The following FAM110A variants were observed in gnomAD, a reference collection of about 807,000 sequenced individuals.
FAM110A encodes protein FAM110A.
Under a neutral mutation model 4.0 loss-of-function variants are expected in FAM110A, and 1 was observed. The observed-to-expected ratio is 0.25, with a 90% CI of 0.09 to 1.20. The LOEUF (loss-of-function observed/expected upper bound fraction) is 1.20. FAM110A is among the 50% of genes most tolerant of loss of function. The probability of loss-of-function intolerance (pLI) is 0.50; values close to 1 mark genes in which losing one functional copy is unlikely to be tolerated. For missense variants in FAM110A, 436 were observed against 429.2 expected, an observed-to-expected ratio of 1.02 and a Z score of -0.14; for synonymous variants, 217 against 196.8, an observed-to-expected ratio of 1.10 and a Z score of -0.86.
In FAM110A at chr20:840,478, G is replaced by T. The variant is rs1979826497; in HGVS notation, c.-97-4230G>T. ...GAAGAGGTGACAGTCACCTCCCTCT[G>T]GGAATTCCTTCCTGCAGGGCTGCAG... On this transcript the variant is annotated intron_variant, in intron 1 of 1. Transcript: ENST00000381941. The surrounding 1 kb of genome is among the most constrained non-coding windows in gnomAD (Gnocchi z 4.4). Among the ~76,000 whole-genome samples the T allele has an allele frequency of 6.6e-6, 1 of 152,214 alleles. No individual in the cohort carries two copies. The highest frequency in any genetic ancestry group is 2.4e-5 in the African/African-American group (1 of 41,456).
At chr20:838,101 G>A (rs542665437) in intron 1 of FAM110A, among the ~76,000 whole-genome samples, 141 of 152,260 alleles carry the variant, frequency 9.3e-4, no homozygotes, top group Admixed American at 1.6e-3. Flanking sequence ...GAGGTGGCAG[G>A]ATTGCTTCAG....
At chr20:837,074 CA>C (rs34528041) in intron 1 of FAM110A, among the ~76,000 whole-genome samples, 6,884 of 109,012 alleles carry the variant, frequency 0.063, 226 homozygotes, top group Middle Eastern at 0.13. Flanking sequence ...TTTTTTGAGA[CA>C]AGAGTTTCGC....
At position 845,677 on chromosome 20, in the gene FAM110A, A is replaced by G. The variant is rs1600020998; in HGVS notation, c.873A>G (p.Pro291=). The change falls in exon 2 of 2, where the codon CCA becomes CCG. Residue 291 remains proline, a synonymous_variant. Transcript: ENST00000381941. ...LYGLRQARES[P]AAEG ...GGCTAAGGCAGGCTCGGGAGAGCCC[A>G]GCAGCTGAAGGCTAGGCGCCACTGG... 1 of 1,614,030 alleles carries G rather than the reference A, an allele frequency of 6.2e-7. No individual in the cohort carries two copies. Among genetic ancestry groups the G allele is most frequent in the Non-Finnish European group, 8.5e-7 (1 of 1,180,022 alleles).
rs1320556881 is a variant in FAM110A, at chr20:834,122, G to C, written c.-98+171G>C. ...CCGGCGAGCTCTGGCGGAGAATCCA[G>C]TTCAAGTCTTTCTGCCCCACCTCGC... On this transcript the variant is annotated intron_variant, in intron 1 of 1. Coordinates refer to ENST00000381941, the MANE Select transcript of FAM110A (RefSeq NM_001042353.3). The surrounding 1 kb of genome is among the most constrained non-coding windows in gnomAD (Gnocchi z 5.6). Among the ~76,000 whole-genome samples the C allele has an allele frequency of 1.3e-5, 2 of 152,230 alleles. No individual in the cohort carries two copies. The highest frequency in any genetic ancestry group is 2.4e-5 in the African/African-American group (1 of 41,460).
chr20:844,617 A>T, intron 1 of FAM110A, 91 bp from the exon 2 acceptor site: 3 of 871,904 alleles, frequency 3.4e-6, no homozygotes, highest in Non-Finnish European at 4.7e-6. Flanking sequence ...ACCTTATAAT[A>T]GGGAGGGCGT....
intron 1 of FAM110A, among the ~76,000 whole-genome samples, chr20:841,123 C>T (rs1180516063): frequency 6.6e-6 from 1 of 152,208 alleles, no homozygotes; most frequent in African/African-American, 2.4e-5. Flanking sequence ...GACCCAGTTC[C>T]TGAGCCAGGC....
chr20:840,529 C>G lies in FAM110A; in HGVS notation c.-97-4179C>G, dbSNP rs1979829533. On this transcript the variant is annotated intron_variant, in intron 1 of 1. Transcript: ENST00000381941. This position sits in a 1 kb window ranked among gnomAD's most constrained non-coding sequence, Gnocchi z 4.4. ...TCTCATGGGATTAAATGAGGGGGCT[C>G]TGGGGATTTAAATGAGTATGGTGCC... 6.6e-6 allele frequency among the ~76,000 whole-genome samples: 1 copy of G among 152,198 alleles called. No individual in the cohort carries two copies. The highest frequency in any genetic ancestry group is 2.4e-5 in the African/African-American group (1 of 41,438).
At chr20:835,489 C>A (rs979081507) in intron 1 of FAM110A, among the ~76,000 whole-genome samples, 3 of 152,034 alleles carry the variant, frequency 2.0e-5, no homozygotes, top group Admixed American at 2.0e-4. Flanking sequence ...GTGCCAGGCC[C>A]TTCCCCAAGA....
Position 835,383 on chromosome 20 carries a change from G to A in FAM110A, c.-98+1432G>A, listed in dbSNP as rs192145496. ...TTCAGTCTCTGGGCTGAGCTAAGAA[G>A]TCATGATGGTGCACTCAGGCCTGGG... On this transcript the variant is annotated intron_variant, in intron 1 of 1. Coordinates refer to ENST00000381941, the MANE Select transcript of FAM110A (RefSeq NM_001042353.3). 2.1e-3 allele frequency among the ~76,000 whole-genome samples: 325 copies of A among 152,192 alleles called. 1 individual carries two copies. The highest frequency in any genetic ancestry group is 2.6e-3 in the Non-Finnish European group (178 of 68,018).
At chr20:841,705 T>C (rs1600010921) in intron 1 of FAM110A, among the ~76,000 whole-genome samples, 1 of 151,612 alleles carries the variant, frequency 6.6e-6, no homozygotes, top group African/African-American at 2.4e-5. Context: ...GGGCCGGCGG[T>C]TGGGGGCATC....
Position 845,909 on chromosome 20 carries a change from C to T in FAM110A, c.*217C>T, listed in dbSNP as rs898788280. The T allele has an allele frequency of 2.2e-5, 20 of 919,508 alleles. No individual in the cohort carries two copies. In the African/African-American group the frequency reaches 3.2e-4, roughly 15 times the overall value. The allele number at this position is 919,508 out of a possible 1,614,324, so 57.0% of individuals were successfully genotyped here. On this transcript the variant is annotated 3_prime_UTR_variant, in exon 2 of 2. Transcript: ENST00000381941. ...TTGGCTTTGGACACCTGAGAACCCC[C>T]TCCTCCCCTCCCCCAATACAAGGTT...
At chr20:841,329 C>G (rs1979889215) in intron 1 of FAM110A, 1 of 152,468 alleles carries the variant, frequency 6.6e-6, no homozygotes, top group Admixed American at 6.5e-5. Context: ...ACGTGCGGAC[C>G]GCGGCGGGGG....
chr20:836,146 A>G (rs1037252201), intron 1 of FAM110A: 1 of 149,994 alleles, frequency 6.7e-6, no homozygotes, highest in Admixed American at 6.7e-5. Flanking sequence ...TCCATCTTGC[A>G]GAGGGGAAAC....
Position 845,514 on chromosome 20 carries a change from C to T in FAM110A, c.710C>T (p.Pro237Leu), listed in dbSNP as rs1391885585. 1 of 1,612,364 alleles carries T rather than the reference C, an allele frequency of 6.2e-7. No homozygotes were observed. The highest frequency in any genetic ancestry group is 8.5e-7 in the Non-Finnish European group (1 of 1,179,292). ...ASSDIVSLAG[P>L]SAGPGSSEGG... Reference sequence around the variant, plus strand: ...TCGGATATCGTGTCCCTGGCAGGGCCCAGTGCTGGGCCGGGCAGCTCTGAA... The same window carrying T: ...TCGGATATCGTGTCCCTGGCAGGGCTCAGTGCTGGGCCGGGCAGCTCTGAA... Residue 237 changes from proline (P) to leucine (L), a missense_variant, in exon 2 of 2, where the codon CCC (proline) becomes CTC (leucine). Coordinates refer to ENST00000381941, the MANE Select transcript of FAM110A (RefSeq NM_001042353.3).
intron 1 of FAM110A, among the ~76,000 whole-genome samples, chr20:842,267 C>T (rs914866428): frequency 4.7e-4 from 71 of 152,378 alleles, no homozygotes; most frequent in African/African-American, 1.7e-3. Context: ...CCGGCCCCGC[C>T]AGAGGGGACC....
chr20:842,258 C>G (rs1034888144), intron 1 of FAM110A, among the ~76,000 whole-genome samples: 15 of 152,240 alleles, frequency 9.9e-5, no homozygotes, highest in African/African-American at 3.4e-4. Context: ...GCATCTGTCC[C>G]GGCCCCGCCA....
chr20:845,693 G>A lies in FAM110A; in HGVS notation c.*1G>A. 1 of 1,613,958 alleles carries A rather than the reference G, an allele frequency of 6.2e-7. No individual in the cohort carries two copies. The highest frequency in any genetic ancestry group is 2.2e-5 in the East Asian group (1 of 44,878). On this transcript the variant is annotated 3_prime_UTR_variant, in exon 2 of 2. Transcript: ENST00000381941. ...GGAGAGCCCAGCAGCTGAAGGCTAG[G>A]CGCCACTGGGCCTGGAATTCGCCAC...
intron 1 of FAM110A, chr20:841,388 C>A (rs1451383389): frequency 6.6e-6 from 1 of 152,310 alleles, no homozygotes; most frequent in Non-Finnish European, 1.5e-5. Flanking sequence ...CACCCCAGGA[C>A]GGCGGGAACG....
At chr20:838,815 G>A (rs774989325) in intron 1 of FAM110A, among the ~76,000 whole-genome samples, 1 of 145,012 alleles carries the variant, frequency 6.9e-6, no homozygotes, top group Non-Finnish European at 1.5e-5. Flanking sequence ...TGGGGAGCTT[G>A]GATTTTTTTT....
Sources: allele counts gnomAD v4.1 joint callset (sites outside exome capture counted in the v4.1 genomes callset), GRCh38; gene constraint gnomAD v4.1.1; non-coding constraint Gnocchi (gnomAD v3.1); transcripts MANE v1.5; gene names NCBI Gene and HGNC (gene_info 2026-07-23, HGNC 2026-07-21).